The following DRC11 variants were observed in gnomAD, a reference collection of about 807,000 sequenced individuals.
DRC11 encodes IQ and AAA domain-containing protein 1.
the DRC11 span, among the ~76,000 whole-genome samples, chr2:236,343,972 A>G: frequency 3.3e-5 from 5 of 151,722 alleles, no homozygotes; most frequent in African/African-American, 1.2e-4. This position sits in a 1 kb window ranked among gnomAD's most constrained non-coding sequence, Gnocchi z 6.6. Context: ...GTTAACCACT[A>G]TTTGCTTTGG....
the DRC11 span, among the ~76,000 whole-genome samples, chr2:236,486,078 C>T: frequency 6.6e-6 from 1 of 152,220 alleles, no homozygotes; most frequent in African/African-American, 2.4e-5. This position sits in a 1 kb window ranked among gnomAD's most constrained non-coding sequence, Gnocchi z 5.7. Context: ...CCCCCCTCTC[C>T]CTGCTGGCTT....
At chr2:236,488,707 A>C in the DRC11 span, among the ~76,000 whole-genome samples, 1 of 152,248 alleles carries the variant, frequency 6.6e-6, no homozygotes, top group African/African-American at 2.4e-5. Flanking sequence ...ATATATGAAA[A>C]GTCTTCCAGT....
At chr2:236,324,196 A>G in the DRC11 span, 1 of 152,390 alleles carries the variant, frequency 6.6e-6, no homozygotes. The surrounding 1 kb of genome is among the most constrained non-coding windows in gnomAD (Gnocchi z 5.7). Context: ...CTATTACTAG[A>G]GCAAAGAATT....
At chr2:236,326,830 G>A in the DRC11 span, among the ~76,000 whole-genome samples, 1 of 144,806 alleles carries the variant, frequency 6.9e-6, no homozygotes, top group Non-Finnish European at 1.5e-5. Context: ...GTGTGTGTGT[G>A]TGTGTGTGTG....
At chr2:236,484,065 AAAG>A in the DRC11 span, among the ~76,000 whole-genome samples, 25 of 152,338 alleles carry the variant, frequency 1.6e-4, no homozygotes, top group East Asian at 4.6e-3. Flanking sequence ...TTAAACCTAA[AAAG>A]AAGATTAAAA....
the DRC11 span, among the ~76,000 whole-genome samples, chr2:236,459,542 T>TGTATAC: frequency 1.5e-3 from 127 of 83,560 alleles, no homozygotes; most frequent in African/African-American, 2.8e-3. Context: ...TACGTATACG[T>TGTATAC]ATACGTATAC....
At chr2:236,495,926 A>G in the DRC11 span, among the ~76,000 whole-genome samples, 1 of 152,176 alleles carries the variant, frequency 6.6e-6, no homozygotes, top group Non-Finnish European at 1.5e-5. The surrounding 1 kb of genome is among the most constrained non-coding windows in gnomAD (Gnocchi z 5.6). Context: ...ATGTCCCTGG[A>G]GCAGAGGGGC....
the DRC11 span, among the ~76,000 whole-genome samples, chr2:236,387,964 T>G: frequency 2.0e-5 from 3 of 152,190 alleles, no homozygotes; most frequent in African/African-American, 7.2e-5. Context: ...GAAAATTCTT[T>G]TCTTTAAGAA....
the DRC11 span, among the ~76,000 whole-genome samples, chr2:236,359,191 CTAGTAGACTATATA>C: frequency 2.6e-5 from 4 of 151,930 alleles, no homozygotes; most frequent in Admixed American, 6.6e-5. The surrounding 1 kb of genome is among the most constrained non-coding windows in gnomAD (Gnocchi z 4.3). Flanking sequence ...CTTTCCTCCC[CTAGTAGACTATATA>C]TAGTAGACTA....
the DRC11 span, chr2:236,391,431 ATT>A: frequency 6.5e-6 from 1 of 154,290 alleles, no homozygotes; most frequent in African/African-American, 2.4e-5. This position sits in a 1 kb window ranked among gnomAD's most constrained non-coding sequence, Gnocchi z 4.5. Flanking sequence ...TACCTTGGGT[ATT>A]CTGGCTCCAA....
At chr2:236,477,153 G>A in the DRC11 span, among the ~76,000 whole-genome samples, 8 of 152,142 alleles carry the variant, frequency 5.3e-5, no homozygotes, top group East Asian at 1.4e-3. Context: ...AACAACATGG[G>A]GGTTAGGAGT....
At chr2:236,357,275 A>G in the DRC11 span, among the ~76,000 whole-genome samples, 2 of 76,406 alleles carry the variant, frequency 2.6e-5, no homozygotes, top group Non-Finnish European at 5.4e-5. Flanking sequence ...AAATATACAT[A>G]TATTATATAT....
At chr2:236,450,608 A>G in the DRC11 span, among the ~76,000 whole-genome samples, 1 of 152,142 alleles carries the variant, frequency 6.6e-6, no homozygotes, top group South Asian at 2.1e-4. Flanking sequence ...GTGAGCCACA[A>G]TGCCCGGCCT....
the DRC11 span, among the ~76,000 whole-genome samples, chr2:236,378,618 T>G: frequency 6.8e-6 from 1 of 146,802 alleles, no homozygotes; most frequent in Non-Finnish European, 1.5e-5. Context: ...CAGGTTGCAG[T>G]GAGCTGAGAT....
chr2:236,363,898 A>G, the DRC11 span: 2 of 1,614,022 alleles, frequency 1.2e-6, no homozygotes, highest in South Asian at 1.1e-5. The surrounding 1 kb of genome is among the most constrained non-coding windows in gnomAD (Gnocchi z 5.6). Context: ...GGCATGGACC[A>G]GCATTTTCTT....
At chr2:236,412,990 G>A in the DRC11 span, 1 of 152,188 alleles carries the variant, frequency 6.6e-6, no homozygotes, top group Non-Finnish European at 1.5e-5. Flanking sequence ...CCGTGGAGAT[G>A]GGGAGATGTG....
At chr2:236,433,518 T>C in the DRC11 span, among the ~76,000 whole-genome samples, 5 of 152,216 alleles carry the variant, frequency 3.3e-5, no homozygotes, top group Non-Finnish European at 7.3e-5. Context: ...TTGTAAATGG[T>C]CTCTTACATT....
chr2:236,340,278 C>T, the DRC11 span, among the ~76,000 whole-genome samples: 6 of 152,212 alleles, frequency 3.9e-5, no homozygotes, highest in African/African-American at 1.2e-4. Context: ...GTGTGCACCA[C>T]CATGCCCGGC....
At chr2:236,316,165 CTCTCTCTCTCTTTT>C in the DRC11 span, among the ~76,000 whole-genome samples, 2 of 151,882 alleles carry the variant, frequency 1.3e-5, no homozygotes, top group African/African-American at 4.8e-5. The surrounding 1 kb of genome is among the most constrained non-coding windows in gnomAD (Gnocchi z 6.8). Flanking sequence ...CTCTCTCTCT[CTCTCTCTCTCTTTT>C]TGAGATGGAG....
Sources: allele counts gnomAD v4.1 joint callset (sites outside exome capture counted in the v4.1 genomes callset), GRCh38; gene constraint gnomAD v4.1.1; non-coding constraint Gnocchi (gnomAD v3.1); transcripts MANE v1.5; gene names NCBI Gene and HGNC (gene_info 2026-07-23, HGNC 2026-07-21).